GRIN2A: variants seen among roughly 807,000 people sequenced by gnomAD.
The protein encoded by GRIN2A is glutamate receptor ionotropic, NMDA 2A.
Under a neutral mutation model 113.4 loss-of-function variants are expected in GRIN2A, and 22 were observed. The observed-to-expected ratio is 0.19, with a 90% CI of 0.14 to 0.28. GRIN2A has a LOEUF of 0.28. Among genes scored for constraint, GRIN2A ranks in the 10% least tolerant of loss-of-function variants. The pLI is 1.00. For missense variants in GRIN2A, 1,502 were observed against 1,887.0 expected, an observed-to-expected ratio of 0.80 and a Z score of 3.78; for synonymous variants, 827 against 738.4, an observed-to-expected ratio of 1.12 and a Z score of -1.94.
intron 1 of GRIN2A, among the ~76,000 whole-genome samples, chr16:10,181,112 G>A (rs1180821501): frequency 6.7e-6 from 1 of 148,474 alleles, no homozygotes; most frequent in Admixed American, 6.7e-5. Flanking sequence ...GCTCCGCTGT[G>A]CCTGGGGAAC....
chr16:10,158,039 C>T (rs2049737388), intron 2 of GRIN2A, among the ~76,000 whole-genome samples: 1 of 152,090 alleles, frequency 6.6e-6, no homozygotes. Flanking sequence ...GGATCTCACT[C>T]TGTCACCAAG....
At chr16:9,887,601 A>C (rs554794844) in intron 4 of GRIN2A, among the ~76,000 whole-genome samples, 1 of 152,262 alleles carries the variant, frequency 6.6e-6, no homozygotes, top group South Asian at 2.1e-4. Flanking sequence ...ATTATTTCTG[A>C]TGTTTTGCTA....
In GRIN2A at chr16:9,799,614, A is replaced by G. The variant is rs549094032; in HGVS notation, c.2169-1150T>C. 5.3e-4 allele frequency among the ~76,000 whole-genome samples: 81 copies of G among 152,308 alleles called. 1 individual carries two copies. Among genetic ancestry groups the G allele is most frequent in the Middle Eastern group, 3.4e-3 (1 of 294 alleles). On this transcript the variant is annotated intron_variant, in intron 10 of 12. Coordinates refer to ENST00000330684, the MANE Select transcript of GRIN2A (RefSeq NM_001134407.3). ...GTGTTCCGATAAAATGTTATTTAGG[A>G]AAACAGATGGGTCCACGGGCTGTAG...
In GRIN2A at chr16:9,829,571, T is replaced by C; in HGVS notation, c.1859A>G (p.Gln620Arg). Reference protein sequence around the residue: ...GLVFNNSVPVQNPKGTTSKIM... With the variant: ...GLVFNNSVPVRNPKGTTSKIM... ...CTTGCTGGTGGTCCCTTTAGGATTCTGGACAGGCACGGAGTTATTGAACAC... is the reference window on the plus strand; with the variant it reads ...CTTGCTGGTGGTCCCTTTAGGATTCCGGACAGGCACGGAGTTATTGAACAC... The change falls in exon 9 of 13, where the codon CAG becomes CGG. Residue 620 changes from glutamine (Q) to arginine (R), a missense_variant. Coordinates refer to ENST00000330684, the MANE Select transcript of GRIN2A (RefSeq NM_001134407.3). 6.2e-7 allele frequency: 1 copy of C among 1,614,018 alleles called. No individual in the cohort carries two copies.
At chr16:9,791,440 C>T (rs2141209501) in intron 11 of GRIN2A, among the ~76,000 whole-genome samples, 1 of 152,274 alleles carries the variant, frequency 6.6e-6, no homozygotes, top group East Asian at 1.9e-4. Context: ...TCAAGGATTT[C>T]CCCAGTCCAC....
intron 2 of GRIN2A, among the ~76,000 whole-genome samples, chr16:9,993,142 A>G (rs181721947): frequency 1.3e-5 from 2 of 152,292 alleles, no homozygotes; most frequent in East Asian, 3.9e-4. Context: ...CTGAGGCCCA[A>G]GAATCATTTG....
intron 2 of GRIN2A, among the ~76,000 whole-genome samples, chr16:10,081,225 C>A (rs1057384696): frequency 3.9e-5 from 6 of 152,316 alleles, no homozygotes; most frequent in African/African-American, 1.4e-4. Context: ...AAGGGACAGC[C>A]AGCTAGGATG....
chr16:9,963,717 C>A (rs1193458073), intron 2 of GRIN2A, among the ~76,000 whole-genome samples: 4 of 152,188 alleles, frequency 2.6e-5, no homozygotes, highest in African/African-American at 4.8e-5. Flanking sequence ...GGTTTATTAA[C>A]CTTCAGCCTC....
intron 2 of GRIN2A, 92 bp downstream of exon 2, chr16:10,179,906 G>C: frequency 8.3e-6 from 4 of 483,726 alleles, no homozygotes; most frequent in Non-Finnish European, 1.2e-5. Context: ...TTCACATCAA[G>C]ACAGATTCTA....
intron 2 of GRIN2A, among the ~76,000 whole-genome samples, chr16:9,954,726 T>G (rs7192121): frequency 4.0e-5 from 6 of 151,868 alleles, no homozygotes; most frequent in African/African-American, 1.5e-4. Flanking sequence ...AACAAAAAGG[T>G]TGGGATTTTA....
intron 2 of GRIN2A, among the ~76,000 whole-genome samples, chr16:10,095,089 T>C (rs891594459): frequency 6.6e-6 from 1 of 150,952 alleles, no homozygotes; most frequent in African/African-American, 2.4e-5. Flanking sequence ...GAGAGATTTC[T>C]CTCTCTCTCT....
intron 2 of GRIN2A, among the ~76,000 whole-genome samples, chr16:10,133,971 C>T (rs1388548128): frequency 1.3e-5 from 2 of 151,960 alleles, no homozygotes; most frequent in Non-Finnish European, 2.9e-5. Flanking sequence ...ATGCTTGAGC[C>T]CAGACATTGG....
At chr16:10,119,307 T>G (rs1043277154) in intron 2 of GRIN2A, among the ~76,000 whole-genome samples, 1 of 151,948 alleles carries the variant, frequency 6.6e-6, no homozygotes. Flanking sequence ...AGAATGAGCG[T>G]TACCCATTTG....
At chr16:10,025,341 C>G (rs534204047) in intron 2 of GRIN2A, among the ~76,000 whole-genome samples, 3 of 113,358 alleles carry the variant, frequency 2.6e-5, no homozygotes, top group Admixed American at 1.3e-4. Context: ...CTTGTTTTGT[C>G]ATCCAGGCTG....
At chr16:10,008,204 C>T (rs1414342108) in intron 2 of GRIN2A, among the ~76,000 whole-genome samples, 1 of 152,158 alleles carries the variant, frequency 6.6e-6, no homozygotes, top group African/African-American at 2.4e-5. Context: ...GATCTTATGA[C>T]AGTGCCTTCC....
chr16:10,080,981 T>C (rs903020001), intron 2 of GRIN2A, among the ~76,000 whole-genome samples: 1 of 152,196 alleles, frequency 6.6e-6, no homozygotes, highest in African/African-American at 2.4e-5. Flanking sequence ...TACTGCAGAA[T>C]CCACTGTTGC....
chr16:9,765,880 G>A (rs1301718443), intron 12 of GRIN2A, among the ~76,000 whole-genome samples: 3 of 152,134 alleles, frequency 2.0e-5, no homozygotes, highest in Non-Finnish European at 4.4e-5. Context: ...GGGCTCCTGG[G>A]CAGCCCAAAT....
At chr16:10,048,642 C>T (rs2047300682) in intron 2 of GRIN2A, among the ~76,000 whole-genome samples, 1 of 152,216 alleles carries the variant, frequency 6.6e-6, no homozygotes, top group Non-Finnish European at 1.5e-5. Context: ...TCTCCAAACA[C>T]TAACATAGCC....
chr16:10,123,874 A>G (rs977220386), intron 2 of GRIN2A, among the ~76,000 whole-genome samples: 10 of 152,202 alleles, frequency 6.6e-5, no homozygotes, highest in Admixed American at 6.5e-4. Flanking sequence ...AGTGCTCAAA[A>G]TAACAGTACA....
Sources: gnomAD v4.1 joint callset for allele counts (sites outside exome capture counted in the v4.1 genomes callset) on GRCh38, gnomAD v4.1.1 for gene constraint, MANE v1.5 for transcripts, NCBI Gene and HGNC (gene_info 2026-07-23, HGNC 2026-07-21) for gene names.